LPP: variants seen among roughly 807,000 people sequenced by gnomAD.
The protein encoded by LPP is lipoma-preferred partner.
In LPP, 38 loss-of-function variants were observed where a neutral mutation model predicts 60.4. The observed-to-expected ratio is 0.63, with a 90% confidence interval of 0.49 to 0.83. LPP has a LOEUF of 0.83. LPP is among the 40% of genes least tolerant of loss of function. The pLI, the probability that LPP is intolerant of heterozygous loss-of-function variation, is 0.00. For synonymous variants in LPP, 328 were observed against 290.8 expected, an observed-to-expected ratio of 1.13 and a Z score of -1.30; for missense variants, 902 against 783.6, an observed-to-expected ratio of 1.15 and a Z score of -1.80.
chr3:188,411,952 ACTCT>A (rs967897643), intron 4 of LPP, among the ~76,000 whole-genome samples: 7 of 126,846 alleles, frequency 5.5e-5, no homozygotes, highest in African/African-American at 9.0e-5. Context: ...CAACTTAATA[ACTCT>A]CTCTCTCTCT....
intron 1 of LPP, among the ~76,000 whole-genome samples, chr3:188,176,282 A>G (rs148022463): frequency 2.0e-5 from 3 of 152,142 alleles, no homozygotes; most frequent in Non-Finnish European, 4.4e-5. Context: ...ATCTAGTTCA[A>G]CTTCTGGGAT....
At chr3:188,521,104 A>G (rs1818735834) in intron 5 of LPP, among the ~76,000 whole-genome samples, 1 of 152,148 alleles carries the variant, frequency 6.6e-6, no homozygotes, top group Admixed American at 6.5e-5. Flanking sequence ...TCAAGAGTGA[A>G]AAAAAGGCCT....
At chr3:188,772,173 A>G (rs147826425) in intron 9 of LPP, among the ~76,000 whole-genome samples, 1 of 152,154 alleles carries the variant, frequency 6.6e-6, no homozygotes, top group African/African-American at 2.4e-5. Context: ...GCTCTCCTAC[A>G]CATTCTTTTT....
chr3:188,838,036 C>G (rs1758928459), intron 9 of LPP, among the ~76,000 whole-genome samples: 1 of 152,148 alleles, frequency 6.6e-6, no homozygotes, highest in Non-Finnish European at 1.5e-5. Context: ...AAAAGCCTAT[C>G]TCTAGTGGTT....
chr3:188,390,228 G>A (rs997484088), intron 3 of LPP, among the ~76,000 whole-genome samples: 2 of 152,050 alleles, frequency 1.3e-5, no homozygotes, highest in Non-Finnish European at 2.9e-5. Flanking sequence ...TGACAGAGCC[G>A]AGCTGGTTTC....
chr3:188,602,103 CAT>C (rs1841331958), intron 6 of LPP, among the ~76,000 whole-genome samples: 2 of 134,484 alleles, frequency 1.5e-5, no homozygotes, highest in Non-Finnish European at 3.2e-5. Flanking sequence ...CACACATATA[CAT>C]ATACACACAC....
chr3:188,690,691 C>G (rs1861930841), intron 7 of LPP, among the ~76,000 whole-genome samples: 1 of 152,140 alleles, frequency 6.6e-6, no homozygotes, highest in Admixed American at 6.6e-5. Flanking sequence ...AAAGTGTTCT[C>G]TCTTTCCACA....
intron 2 of LPP, among the ~76,000 whole-genome samples, chr3:188,257,414 A>G (rs959947465): frequency 6.6e-6 from 1 of 152,206 alleles, no homozygotes; most frequent in Admixed American, 6.5e-5. Context: ...CTGTCATTTG[A>G]CAAAGACTGA....
At chr3:188,674,473 A>G (rs1857575755) in intron 7 of LPP, among the ~76,000 whole-genome samples, 1 of 152,138 alleles carries the variant, frequency 6.6e-6, no homozygotes, top group Non-Finnish European at 1.5e-5. Flanking sequence ...TTAGCATACC[A>G]CAATGTAACT....
intron 6 of LPP, among the ~76,000 whole-genome samples, chr3:188,592,563 T>TTTTTTTTTTTTTTTTTTTTTTGGAG: frequency 1.3e-5 from 1 of 77,226 alleles, no homozygotes; most frequent in Non-Finnish European, 2.8e-5. Context: ...TTTTGTTTTT[T>TTTTTTTTTTTTTTTTTTTTTTGGAG]AAATGGAGTC....
chr3:188,625,059 C>T lies in LPP; in HGVS notation c.1113+15215C>T, dbSNP rs1262265064. 2.6e-5 allele frequency among the ~76,000 whole-genome samples: 4 copies of T among 152,100 alleles called. No homozygotes were observed. In the East Asian group the frequency reaches 7.7e-4, roughly 29 times the overall value. On this transcript the variant is annotated intron_variant, in intron 7 of 11. Coordinates refer to ENST00000617246, the MANE Select transcript of LPP (RefSeq NM_001375462.1). ...TAGTGTTAGCATTTCTTATTAAAGA[C>T]AGATGTCTAGTTTTCTATTTTAAGG... is the stretch of plus-strand genomic sequence containing the variant.
chr3:188,747,790 G>A (rs1464524906), intron 8 of LPP, among the ~76,000 whole-genome samples: 1 of 152,194 alleles, frequency 6.6e-6, no homozygotes, highest in Non-Finnish European at 1.5e-5. Flanking sequence ...GTGTTGCTAT[G>A]CGAATGCTGG....
intron 9 of LPP, among the ~76,000 whole-genome samples, chr3:188,773,228 A>G (rs1324688832): frequency 6.6e-6 from 1 of 152,090 alleles, no homozygotes; most frequent in Non-Finnish European, 1.5e-5. Context: ...TACTCCCTGG[A>G]TCTTTTTTTT....
At chr3:188,488,713 T>A (rs1807373304) in intron 5 of LPP, among the ~76,000 whole-genome samples, 1 of 152,082 alleles carries the variant, frequency 6.6e-6, no homozygotes, top group Admixed American at 6.6e-5. Context: ...CTTGGCTCAC[T>A]GCAACCTCCA....
chr3:188,233,054 A>G (rs954263699), intron 2 of LPP, among the ~76,000 whole-genome samples: 3 of 152,144 alleles, frequency 2.0e-5, no homozygotes, highest in Admixed American at 6.5e-5. Context: ...TCCTGTTTAC[A>G]CTGTCCCCTT....
intron 3 of LPP, among the ~76,000 whole-genome samples, chr3:188,375,281 G>A (rs1774667764): frequency 6.6e-6 from 1 of 152,176 alleles, no homozygotes; most frequent in Non-Finnish European, 1.5e-5. Context: ...CAGAAGGAAT[G>A]GTACCAGCTC....
At chr3:188,656,201 A>T (rs1320325963) in intron 7 of LPP, among the ~76,000 whole-genome samples, 4 of 208 alleles carry the variant, frequency 0.019, no homozygotes, top group Non-Finnish European at 0.04. Context: ...TCCAAAAGGA[A>T]AAAAAAAAAA....
intron 8 of LPP, among the ~76,000 whole-genome samples, chr3:188,756,002 A>G (rs781014732): frequency 6.6e-6 from 1 of 152,156 alleles, no homozygotes; most frequent in Non-Finnish European, 1.5e-5. Context: ...TAGCTCCATT[A>G]TTAAGACTTC....
chr3:188,248,278 A>G (rs1244815552), intron 2 of LPP, among the ~76,000 whole-genome samples: 1 of 151,904 alleles, frequency 6.6e-6, no homozygotes, highest in Non-Finnish European at 1.5e-5. Context: ...GTTTTTTTGC[A>G]TTGGGACCTG....
Sources: gnomAD v4.1 joint callset for allele counts (sites outside exome capture counted in the v4.1 genomes callset) on GRCh38, gnomAD v4.1.1 for gene constraint, MANE v1.5 for transcripts, NCBI Gene and HGNC (gene_info 2026-07-23, HGNC 2026-07-21) for gene names.